The following FBXL2 variants were observed in gnomAD, a reference collection of about 807,000 sequenced individuals.
FBXL2 encodes the protein F-box/LRR-repeat protein 2.
Under a neutral mutation model 69.2 loss-of-function variants are expected in FBXL2, and 38 were observed. That is an observed-to-expected ratio of 0.55 (90% CI 0.42 to 0.72). The LOEUF (loss-of-function observed/expected upper bound fraction) is 0.72. FBXL2 is among the 30% of genes least tolerant of loss of function. The pLI is 0.00. For missense variants in FBXL2, 354 were observed against 520.3 expected, an observed-to-expected ratio of 0.68 and a Z score of 3.11; for synonymous variants, 192 against 201.3, an observed-to-expected ratio of 0.95 and a Z score of 0.39.
At chr3:33,328,182 T>G (rs556978713) in intron 2 of FBXL2, among the ~76,000 whole-genome samples, 1 of 152,112 alleles carries the variant, frequency 6.6e-6, no homozygotes. Context: ...ATCTAAAACA[T>G]TGATGAAAGA....
At chr3:33,409,412 A>G in the FBXL2 span, 4 of 1,613,890 alleles carry the variant, frequency 2.5e-6, no homozygotes, top group East Asian at 4.5e-5. Context: ...GGCAAAACTG[A>G]GCCTTAATTA....
At chr3:33,419,552 T>G in the FBXL2 span, among the ~76,000 whole-genome samples, 1 of 149,862 alleles carries the variant, frequency 6.7e-6, no homozygotes, top group Admixed American at 6.7e-5. Flanking sequence ...CACTTGAACC[T>G]GTGAGGCGGA....
At chr3:33,394,450 G>C (rs945120491) in intron 12 of FBXL2, among the ~76,000 whole-genome samples, 3 of 152,024 alleles carry the variant, frequency 2.0e-5, no homozygotes, top group African/African-American at 7.2e-5. Context: ...TTAAATAAAA[G>C]ATACTATATG....
intron 2 of FBXL2, among the ~76,000 whole-genome samples, chr3:33,345,288 C>A (rs2040351217): frequency 6.6e-6 from 1 of 152,160 alleles, no homozygotes; most frequent in South Asian, 2.1e-4. Flanking sequence ...AGATCCCTAA[C>A]TTAATTACGT....
chr3:33,280,095 A>G (rs1274154915), intron 1 of FBXL2, among the ~76,000 whole-genome samples: 1 of 152,174 alleles, frequency 6.6e-6, no homozygotes, highest in African/African-American at 2.4e-5. Flanking sequence ...ACTGGGTTAG[A>G]TACTACGGAA....
intron 12 of FBXL2, among the ~76,000 whole-genome samples, chr3:33,401,550 AAAATG>A (rs2044229814): frequency 6.6e-6 from 1 of 152,244 alleles, no homozygotes; most frequent in South Asian, 2.1e-4. Flanking sequence ...GCTTCTAAGT[AAAATG>A]AAATGAAAAA....
the FBXL2 span, among the ~76,000 whole-genome samples, chr3:33,421,876 C>T: frequency 6.6e-6 from 1 of 151,988 alleles, no homozygotes; most frequent in African/African-American, 2.4e-5. Context: ...AAACCCCATC[C>T]CTACTAAGAA....
intron 2 of FBXL2, among the ~76,000 whole-genome samples, chr3:33,324,535 C>G (rs957313969): frequency 6.6e-6 from 1 of 152,160 alleles, no homozygotes; most frequent in Non-Finnish European, 1.5e-5. Flanking sequence ...AGCCAGTTTT[C>G]CCAACACCAT....
chr3:33,351,586 A>G (rs1575303407), intron 2 of FBXL2, among the ~76,000 whole-genome samples: 1 of 152,182 alleles, frequency 6.6e-6, no homozygotes, highest in South Asian at 2.1e-4. Context: ...TATTGCTAAA[A>G]TGTTAACTTT....
At chr3:33,392,489 G>A (rs1398537750), downstream of FBXL2, 10 of 1,249,148 alleles carry the variant, frequency 8.0e-6, no homozygotes, top group Admixed American at 2.3e-5. Flanking sequence ...GAATAAACAC[G>A]AGAGGCACTA....
At chr3:33,290,240 T>C (rs1009449902) in intron 1 of FBXL2, among the ~76,000 whole-genome samples, 3 of 152,230 alleles carry the variant, frequency 2.0e-5, no homozygotes, top group African/African-American at 7.2e-5. Flanking sequence ...AAGGCAATCA[T>C]GGACTAACAC....
the FBXL2 span, chr3:33,408,904 C>T: frequency 9.3e-7 from 1 of 1,070,268 alleles, no homozygotes; most frequent in Admixed American, 2.4e-5. Context: ...GCATGACTAA[C>T]AGGATTCAAA....
chr3:33,277,487 G>T lies in FBXL2; in HGVS notation c.-26G>T. 1 of 1,294,260 alleles carries T rather than the reference G, an allele frequency of 7.7e-7. No homozygotes were observed. The highest frequency in any genetic ancestry group is 9.9e-7 in the Non-Finnish European group (1 of 1,012,816). 80.2% of individuals were successfully genotyped at this position (1,294,260 alleles called of 1,614,324 possible). ...CGCCGGCGCCGTGTGACTTCGGGCT[G>T]TGGGCTCGCTCGCGGCTCTTCGGCC... is the stretch of plus-strand genomic sequence containing the variant. On this transcript the variant is annotated 5_prime_UTR_variant, in exon 1 of 15. Coordinates refer to ENST00000484457, the MANE Select transcript of FBXL2 (RefSeq NM_012157.5).
chr3:33,372,581 G>A (rs1210362509), intron 5 of FBXL2: 1 of 165,722 alleles, frequency 6.0e-6, no homozygotes. Flanking sequence ...ATGACTGAAT[G>A]TCCTCACCAG....
At chr3:33,356,335 G>A (rs1354750054) in intron 2 of FBXL2, among the ~76,000 whole-genome samples, 1 of 152,040 alleles carries the variant, frequency 6.6e-6, no homozygotes, top group African/African-American at 2.4e-5. Context: ...GAATAAAGGA[G>A]TTGCTCGAGT....
chr3:33,398,865 C>T (rs2044113246), intron 12 of FBXL2, among the ~76,000 whole-genome samples: 1 of 152,188 alleles, frequency 6.6e-6, no homozygotes, highest in Admixed American at 6.5e-5. Flanking sequence ...CCCCAGCTCC[C>T]CGACCCTGAA....
At chr3:33,312,437 A>G (rs2037296356) in intron 2 of FBXL2, among the ~76,000 whole-genome samples, 1 of 152,190 alleles carries the variant, frequency 6.6e-6, no homozygotes, top group Non-Finnish European at 1.5e-5. Flanking sequence ...TGTTCCTTTG[A>G]TGGTGTTATG....
intron 2 of FBXL2, among the ~76,000 whole-genome samples, chr3:33,308,089 T>C (rs2036875992): frequency 6.6e-6 from 1 of 152,160 alleles, no homozygotes; most frequent in Non-Finnish European, 1.5e-5. Context: ...TTATCCATGC[T>C]GGCCTTGAAC....
chr3:33,414,441 A>C, the FBXL2 span, among the ~76,000 whole-genome samples: 1 of 152,140 alleles, frequency 6.6e-6, no homozygotes, highest in Non-Finnish European at 1.5e-5. Context: ...AAAATAGGAC[A>C]AAAAAAGACG....
Sources: allele counts gnomAD v4.1 joint callset (sites outside exome capture counted in the v4.1 genomes callset), GRCh38; gene constraint gnomAD v4.1.1; transcripts MANE v1.5; gene names NCBI Gene and HGNC (gene_info 2026-07-23, HGNC 2026-07-21).